PPP2R3A: variants seen among roughly 807,000 people sequenced by gnomAD.
PPP2R3A encodes the protein protein phosphatase 2 regulatory subunit B''alpha.
PPP2R3A carries 80 observed loss-of-function variants against 106.9 expected under a neutral mutation model. That is an observed-to-expected ratio of 0.75 (90% CI 0.62 to 0.90). The LOEUF is 0.90. Among genes scored for constraint, PPP2R3A ranks in the 40% least tolerant of loss-of-function variants. The pLI is 0.00. For synonymous variants in PPP2R3A, 483 were observed against 468.3 expected, an observed-to-expected ratio of 1.03 and a Z score of -0.41; for missense variants, 1,386 against 1,350.4, an observed-to-expected ratio of 1.03 and a Z score of -0.41.
At chr3:136,066,937 CT>C (rs1286626424) in intron 5 of PPP2R3A, among the ~76,000 whole-genome samples, 1 of 152,130 alleles carries the variant, frequency 6.6e-6, no homozygotes, top group Non-Finnish European at 1.5e-5. Context: ...ATTTTAGATA[CT>C]TTCTTAACAT....
At chr3:136,076,664 C>T (rs968714042) in intron 6 of PPP2R3A, among the ~76,000 whole-genome samples, 2 of 151,950 alleles carry the variant, frequency 1.3e-5, no homozygotes, top group East Asian at 1.9e-4. Context: ...TAGAAAGCAC[C>T]GTGGCTGGGC....
At chr3:135,969,605 AG>A (rs552674328) in intron 1 of PPP2R3A, among the ~76,000 whole-genome samples, 3 of 152,234 alleles carry the variant, frequency 2.0e-5, no homozygotes, top group Non-Finnish European at 4.4e-5. Context: ...GCTAAACTGG[AG>A]GCACGAATTT....
At chr3:136,043,887 T>C (rs1301269670) in intron 4 of PPP2R3A, among the ~76,000 whole-genome samples, 1 of 152,248 alleles carries the variant, frequency 6.6e-6, no homozygotes, top group Non-Finnish European at 1.5e-5. Flanking sequence ...TCTTTTCTCC[T>C]GCCATAGAGT....
chr3:136,112,392 T>C (rs1937606433), intron 13 of PPP2R3A, among the ~76,000 whole-genome samples: 4 of 152,230 alleles, frequency 2.6e-5, no homozygotes, highest in South Asian at 4.1e-4. Flanking sequence ...AGAAAACCCA[T>C]AGTATCTACC....
In PPP2R3A at chr3:136,102,113, G is replaced by A; in HGVS notation, c.3034G>A (p.Gly1012Arg). 1.2e-6 allele frequency: 2 copies of A among 1,613,918 alleles called. No homozygotes were observed. Among genetic ancestry groups the A allele is most frequent in the Non-Finnish European group, 1.7e-6 (2 of 1,180,012 alleles). The change falls in exon 11 of 14, where the codon GGA (glycine) becomes AGA (arginine). Residue 1012 changes from glycine to arginine, a missense_variant. Transcript: ENST00000264977. Reference protein sequence around the residue: ...EEQCERMEAMGIEPLPFHDLL... With the variant: ...EEQCERMEAMRIEPLPFHDLL... Reference sequence around the variant, plus strand: ...GCAGTGTGAACGGATGGAAGCCATGGGAATTGAGCCCTTGCCATTCCATGA... The same window carrying A: ...GCAGTGTGAACGGATGGAAGCCATGAGAATTGAGCCCTTGCCATTCCATGA...
intron 3 of PPP2R3A, among the ~76,000 whole-genome samples, chr3:136,031,026 T>A (rs1934869008): frequency 6.6e-6 from 1 of 152,110 alleles, no homozygotes; most frequent in Non-Finnish European, 1.5e-5. Flanking sequence ...CTACTTTTAG[T>A]TCTTTAAAGA....
At chr3:135,988,836 TTAAA>T (rs1394583617) in intron 1 of PPP2R3A, among the ~76,000 whole-genome samples, 1 of 152,190 alleles carries the variant, frequency 6.6e-6, no homozygotes, top group East Asian at 1.9e-4. Context: ...ATTAGATTAA[TTAAA>T]TATTTTTGGT....
intron 10 of PPP2R3A, among the ~76,000 whole-genome samples, chr3:136,096,558 TGG>T (rs1186625418): frequency 6.6e-6 from 1 of 152,262 alleles, no homozygotes; most frequent in African/African-American, 2.4e-5. Context: ...CTTAGTCATC[TGG>T]CTAGATATCA....
intron 2 of PPP2R3A, among the ~76,000 whole-genome samples, chr3:136,022,470 C>T (rs1934498999): frequency 6.6e-6 from 1 of 151,990 alleles, no homozygotes; most frequent in African/African-American, 2.4e-5. Flanking sequence ...GTATTTACTT[C>T]CCTTCAAATA....
chr3:135,983,104 T>G (rs1937560799), intron 1 of PPP2R3A, among the ~76,000 whole-genome samples: 1 of 152,170 alleles, frequency 6.6e-6, no homozygotes, highest in African/African-American at 2.4e-5. Context: ...CAAAGCCATA[T>G]CCAGGGCAGG....
intron 2 of PPP2R3A, among the ~76,000 whole-genome samples, chr3:136,006,014 C>G (rs908776713): frequency 3.9e-5 from 6 of 152,302 alleles, no homozygotes; most frequent in Non-Finnish European, 7.3e-5. Flanking sequence ...TAGAAAATGT[C>G]TGAGCATCAC....
intron 13 of PPP2R3A, among the ~76,000 whole-genome samples, chr3:136,128,340 CAAAA>C (rs1156708467): frequency 9.6e-6 from 1 of 103,750 alleles, no homozygotes; most frequent in Non-Finnish European, 2.1e-5. Flanking sequence ...AAATGGAAAG[CAAAA>C]AAAAAAAAAA....
intron 3 of PPP2R3A, among the ~76,000 whole-genome samples, chr3:136,038,250 C>T (rs1161931603): frequency 3.3e-5 from 5 of 152,064 alleles, no homozygotes; most frequent in Non-Finnish European, 7.4e-5. Context: ...CACTTGGCTA[C>T]TCAGGGTACC....
intron 11 of PPP2R3A, 86 bp downstream of exon 11, chr3:136,102,268 C>A: frequency 7.2e-7 from 1 of 1,393,144 alleles, no homozygotes; most frequent in Non-Finnish European, 9.7e-7. Flanking sequence ...AATTATTTAA[C>A]ATTTCAGAGT....
chr3:136,110,082 C>T (rs1576317941), intron 13 of PPP2R3A, among the ~76,000 whole-genome samples: 1 of 152,130 alleles, frequency 6.6e-6, no homozygotes, highest in African/African-American at 2.4e-5. Flanking sequence ...AGCAACATAT[C>T]ACATCCCATC....
chr3:136,115,978 G>A (rs1488362603), intron 13 of PPP2R3A, among the ~76,000 whole-genome samples: 3 of 151,896 alleles, frequency 2.0e-5, no homozygotes. Context: ...AGGAAAAAAT[G>A]TTAAGGGCAG....
rs936455401 is a variant in PPP2R3A, at chr3:136,145,759, T to G, written c.*593T>G. The G allele has an allele frequency of 1.3e-5, 2 of 152,634 alleles. No homozygotes were observed. The highest frequency in any genetic ancestry group is 4.8e-5 in the African/African-American group (2 of 41,446). 9.5% of individuals were successfully genotyped at this position (152,634 alleles called of 1,614,324 possible). ...CCAAACTACTAGTCACTTTACATCC[T>G]CAGGTATTGTAACCACTGGGCCTTC... On this transcript the variant is annotated 3_prime_UTR_variant, in exon 14 of 14. Coordinates refer to ENST00000264977, the MANE Select transcript of PPP2R3A (RefSeq NM_002718.5).
At chr3:136,049,126 T>C (rs1935582338) in intron 4 of PPP2R3A, 133 bp from the exon 5 acceptor site, 4 of 658,006 alleles carry the variant, frequency 6.1e-6, no homozygotes, top group Non-Finnish European at 1.0e-5. Context: ...AAACATCCTT[T>C]GATTATGTAA....
intron 1 of PPP2R3A, among the ~76,000 whole-genome samples, chr3:135,980,814 A>G (rs1035640936): frequency 4.0e-5 from 6 of 151,810 alleles, no homozygotes; most frequent in African/African-American, 1.5e-4. Flanking sequence ...CTGATGTTCA[A>G]GTGTCTTAGT....
Sources: allele counts gnomAD v4.1 joint callset (sites outside exome capture counted in the v4.1 genomes callset), GRCh38; gene constraint gnomAD v4.1.1; transcripts MANE v1.5; gene names NCBI Gene and HGNC (gene_info 2026-07-23, HGNC 2026-07-21).